Variants in GRAMD1C observed in about 807,000 individuals in gnomAD.
GRAMD1C encodes the protein GRAM domain containing 1C, also known as protein Aster-C.
GRAMD1C carries 89 observed loss-of-function variants against 97.8 expected under a neutral mutation model. That is an observed-to-expected ratio of 0.91 (90% CI 0.77 to 1.09). The LOEUF is 1.09. GRAMD1C is among the 50% of genes least tolerant of loss of function. The pLI, the probability that GRAMD1C is intolerant of heterozygous loss-of-function variation, is 0.00. For missense variants in GRAMD1C, 740 were observed against 766.4 expected (o/e 0.97, Z 0.41); for synonymous variants, 256 against 267.0 (o/e 0.96, Z 0.40).
At chr3:113,903,293 A>T (rs763301467) in intron 7 of GRAMD1C, among the ~76,000 whole-genome samples, 22 of 151,944 alleles carry the variant, frequency 1.4e-4, no homozygotes, top group Non-Finnish European at 3.1e-4. Context: ...CTTTCTAAGA[A>T]AGTGTGTGGC....
chr3:113,933,124 A>T (rs964782477), intron 11 of GRAMD1C, among the ~76,000 whole-genome samples: 8 of 152,134 alleles, frequency 5.3e-5, no homozygotes, highest in Non-Finnish European at 8.8e-5. Flanking sequence ...GCCACAAATG[A>T]TCCACCCACA....
chr3:113,884,383 G>C (rs1935370472), intron 6 of GRAMD1C, among the ~76,000 whole-genome samples: 1 of 151,976 alleles, frequency 6.6e-6, no homozygotes, highest in Non-Finnish European at 1.5e-5. Flanking sequence ...AAATCATGAG[G>C]GAAATTAGCA....
chr3:113,928,227 A>G (rs529309221), intron 10 of GRAMD1C, among the ~76,000 whole-genome samples: 53 of 152,280 alleles, frequency 3.5e-4, no homozygotes, highest in Middle Eastern at 6.8e-3. Context: ...ATGATCAGCT[A>G]GTAGGGTCAG....
intron 6 of GRAMD1C, among the ~76,000 whole-genome samples, chr3:113,888,704 A>G (rs574309772): frequency 6.6e-6 from 1 of 152,346 alleles, no homozygotes; most frequent in East Asian, 1.9e-4. Flanking sequence ...GAGGATGTGG[A>G]GAAAGTGGAT....
At chr3:113,905,579 A>G (rs944702084) in intron 8 of GRAMD1C, among the ~76,000 whole-genome samples, 2 of 152,176 alleles carry the variant, frequency 1.3e-5, no homozygotes, top group African/African-American at 2.4e-5. Context: ...AGTGAGGATT[A>G]TACTTTATAA....
chr3:113,881,948 T>C (rs1935279782), intron 5 of GRAMD1C, among the ~76,000 whole-genome samples: 1 of 152,146 alleles, frequency 6.6e-6, no homozygotes. Context: ...CAAAATATTA[T>C]TTGTTTGATA....
chr3:113,852,883 G>C (rs1419211869), intron 2 of GRAMD1C, among the ~76,000 whole-genome samples: 1 of 152,174 alleles, frequency 6.6e-6, no homozygotes, highest in Non-Finnish European at 1.5e-5. Context: ...CTTAGGGTGG[G>C]AGTGGGGGTA....
chr3:113,913,134 C>T, intron 9 of GRAMD1C: 1 of 1,278,778 alleles, frequency 7.8e-7, no homozygotes, highest in Non-Finnish European at 1.0e-6. Flanking sequence ...TTAGGAAGAT[C>T]TACTCTGGCC....
At chr3:113,944,924 T>TTA in intron 17 of GRAMD1C, among the ~76,000 whole-genome samples, 1 of 152,340 alleles carries the variant, frequency 6.6e-6, no homozygotes, top group East Asian at 1.9e-4. Flanking sequence ...TGTCAAAGTG[T>TTA]TAAGTAGTAA....
In GRAMD1C at chr3:113,831,376, T is replaced by G. The variant is rs1577106057; in HGVS notation, n.98+3097T>G. 2.0e-5 allele frequency among the ~76,000 whole-genome samples: 3 copies of G among 152,316 alleles called. No homozygotes were observed. In the South Asian group the frequency reaches 6.2e-4, roughly 32 times the overall value. The stretch of plus-strand genomic sequence containing the variant: ...TTTCAGTTTGTCTGTTTCCTCACAA[T>G]TAGATTCAGAGTATGCATTTTTGGC... On this transcript the variant is annotated intron_variant and non_coding_transcript_variant, in intron 1 of 18. Transcript: ENST00000479212.
intron 9 of GRAMD1C, among the ~76,000 whole-genome samples, chr3:113,915,325 A>G (rs60490908): frequency 0.012 from 1,752 of 152,304 alleles, 32 homozygotes; most frequent in African/African-American, 0.039. Flanking sequence ...GCTAATTTCT[A>G]TGTTAGATAC....
At chr3:113,867,281 CTTTATTTTTAAT>C (rs1434387877) in intron 2 of GRAMD1C, among the ~76,000 whole-genome samples, 10 of 151,892 alleles carry the variant, frequency 6.6e-5, no homozygotes, top group Admixed American at 6.6e-4. Context: ...GCTTGAAGGA[CTTTATTTTTAAT>C]TTTAATTTTA....
At chr3:113,883,288 T>C (rs552200934) in intron 6 of GRAMD1C, among the ~76,000 whole-genome samples, 94 of 151,464 alleles carry the variant, frequency 6.2e-4, no homozygotes, top group African/African-American at 2.2e-3. Context: ...ACTTTGGGAG[T>C]CTGAGGTGAG....
intron 10 of GRAMD1C, among the ~76,000 whole-genome samples, chr3:113,917,005 G>A (rs1936836931): frequency 1.3e-5 from 2 of 152,044 alleles, no homozygotes; most frequent in Non-Finnish European, 2.9e-5. Context: ...GCATGGTGGT[G>A]CACCCCTGTA....
chr3:113,836,603 GACACCCTGCA>G (rs1709634757), upstream of GRAMD1C, among the ~76,000 whole-genome samples: 1 of 151,076 alleles, frequency 6.6e-6, no homozygotes, highest in East Asian at 1.9e-4. Flanking sequence ...TAATATTAAA[GACACCCTGCA>G]ACATAGCCAC....
At chr3:113,913,075 T>C (rs1165990794) in intron 9 of GRAMD1C, 6 of 1,255,064 alleles carry the variant, frequency 4.8e-6, no homozygotes, top group Non-Finnish European at 1.0e-6. Flanking sequence ...TGCTTTAGTA[T>C]GCAGCTGGGC....
chr3:113,904,180 G>A lies in GRAMD1C; in HGVS notation c.697G>A (p.Asp233Asn), dbSNP rs1373158118. Residue 233 changes from aspartate (D) to asparagine (N), a missense_variant, in exon 8 of 18, where the codon GAT becomes AAT. Transcript: ENST00000358160. ...CAGCTTGGATGACTCTGGGGAGAGA[G>A]ATGAAAAATTATCCAAGTCAATCAG... is the stretch of plus-strand genomic sequence containing the variant. ...RSSLDDSGER[D>N]EKLSKSISFT... 1 of 1,608,338 alleles carries A rather than the reference G, an allele frequency of 6.2e-7. No individual in the cohort carries two copies. Among genetic ancestry groups the A allele is most frequent in the Non-Finnish European group, 8.5e-7 (1 of 1,174,830 alleles).
At chr3:113,923,825 A>T (rs1937144036) in intron 10 of GRAMD1C, among the ~76,000 whole-genome samples, 1 of 152,050 alleles carries the variant, frequency 6.6e-6, no homozygotes, top group Non-Finnish European at 1.5e-5. Flanking sequence ...TTCCTCCTCA[A>T]TTTTTTTGAA....
At chr3:113,838,765 C>A (rs1045929665), upstream of GRAMD1C, 2 of 451,638 alleles carry the variant, frequency 4.4e-6, no homozygotes, top group Non-Finnish European at 7.1e-6. Flanking sequence ...CGCCAGAGGG[C>A]GCAAGGAGCT....
Sources: allele counts gnomAD v4.1 joint callset (sites outside exome capture counted in the v4.1 genomes callset), GRCh38; gene constraint gnomAD v4.1.1; transcripts MANE v1.5; gene names NCBI Gene and HGNC (gene_info 2026-07-23, HGNC 2026-07-21).